KLHL1: variants seen among roughly 807,000 people sequenced by gnomAD.
KLHL1 encodes the protein kelch-like protein 1.
A neutral mutation model predicts 77.7 loss-of-function variants in KLHL1; 47 were observed. The observed-to-expected ratio is 0.60, with a 90% CI of 0.48 to 0.77. The LOEUF (loss-of-function observed/expected upper bound fraction) is 0.77, where lower values mean the gene tolerates loss of function less well. Among genes scored for constraint, KLHL1 ranks in the 30% least tolerant of loss-of-function variants. KLHL1 has a pLI of 0.00. For missense variants in KLHL1, 925 were observed against 910.8 expected, an observed-to-expected ratio of 1.02 and a Z score of -0.20; for synonymous variants, 360 against 325.2, an observed-to-expected ratio of 1.11 and a Z score of -1.15.
At chr13:69,928,945 A>C (rs1012312318) in intron 4 of KLHL1, among the ~76,000 whole-genome samples, 10 of 152,110 alleles carry the variant, frequency 6.6e-5, no homozygotes, top group Non-Finnish European at 1.3e-4. Context: ...AAAAGATATA[A>C]ATTTGAAAGT....
Position 69,833,574 on chromosome 13 carries a change from T to C in KLHL1, c.1414+5402A>G, listed in dbSNP as rs567284375. Among the ~76,000 whole-genome samples the C allele has an allele frequency of 2.0e-5, 3 of 151,800 alleles. No homozygotes were observed. In the South Asian group the frequency reaches 6.2e-4, roughly 32 times the overall value. On this transcript the variant is annotated intron_variant, in intron 6 of 10. Transcript: ENST00000377844. ...AGATTCCTTAAAAAATAAAACTAGA[T>C]CCACCACTGTATCCAGCAATCCCAA...
intron 1 of KLHL1, among the ~76,000 whole-genome samples, chr13:70,023,933 A>G (rs1885867413): frequency 6.6e-6 from 1 of 152,096 alleles, no homozygotes; most frequent in Admixed American, 6.6e-5. Context: ...GGTGATTACC[A>G]TATGACTCCA....
At chr13:69,800,218 T>G (rs2138044458) in intron 6 of KLHL1, among the ~76,000 whole-genome samples, 1 of 152,322 alleles carries the variant, frequency 6.6e-6, no homozygotes, top group East Asian at 1.9e-4. Flanking sequence ...CATACCAGTT[T>G]AATCAGACAT....
chr13:69,741,701 T>G (rs1873994629), intron 7 of KLHL1, among the ~76,000 whole-genome samples: 1 of 152,166 alleles, frequency 6.6e-6, no homozygotes, highest in Admixed American at 6.6e-5. Flanking sequence ...GCATTTACTT[T>G]AGAAAACTTA....
At chr13:69,807,270 T>C (rs533526312) in intron 6 of KLHL1, among the ~76,000 whole-genome samples, 3 of 152,138 alleles carry the variant, frequency 2.0e-5, no homozygotes, top group Non-Finnish European at 4.4e-5. Context: ...CTCTCCAGGC[T>C]CAAGATACTA....
intron 4 of KLHL1, among the ~76,000 whole-genome samples, chr13:69,892,295 AAC>A (rs1413490988): frequency 6.6e-6 from 1 of 152,184 alleles, no homozygotes; most frequent in Non-Finnish European, 1.5e-5. Context: ...ATGAGACAAT[AAC>A]ACACCTATGT....
At chr13:70,016,698 G>A (rs377290470) in intron 1 of KLHL1, among the ~76,000 whole-genome samples, 2 of 152,292 alleles carry the variant, frequency 1.3e-5, no homozygotes, top group African/African-American at 2.4e-5. Flanking sequence ...CACCATGGAT[G>A]ACCTATTGAT....
chr13:69,939,945 A>T, intron 4 of KLHL1, 95 bp downstream of exon 4: 1 of 917,364 alleles, frequency 1.1e-6, no homozygotes, highest in Non-Finnish European at 1.6e-6. Flanking sequence ...AACTCATTTT[A>T]AACTTAAAAA....
intron 7 of KLHL1, among the ~76,000 whole-genome samples, chr13:69,782,847 A>G (rs964373455): frequency 7.2e-5 from 11 of 152,240 alleles, no homozygotes; most frequent in Non-Finnish European, 2.9e-5. Flanking sequence ...TGATCTGAGA[A>G]TGAGCAGACT....
At chr13:69,995,443 G>GT (rs1885128407) in intron 1 of KLHL1, among the ~76,000 whole-genome samples, 1 of 152,030 alleles carries the variant, frequency 6.6e-6, no homozygotes, top group Non-Finnish European at 1.5e-5. Flanking sequence ...TCTGCATTGA[G>GT]TCATCATGTA....
chr13:69,921,951 G>A (rs1331516387), intron 4 of KLHL1, among the ~76,000 whole-genome samples: 1 of 139,170 alleles, frequency 7.2e-6, no homozygotes, highest in East Asian at 2.2e-4. Context: ...TTTAAAGAGA[G>A]ATGGTCTCAC....
intron 7 of KLHL1, among the ~76,000 whole-genome samples, chr13:69,778,060 G>A (rs1336445378): frequency 6.6e-6 from 1 of 151,638 alleles, no homozygotes; most frequent in Non-Finnish European, 1.5e-5. Context: ...AAATAGAGAT[G>A]GATATATCTG....
intron 1 of KLHL1, among the ~76,000 whole-genome samples, chr13:69,999,728 A>C (rs1452449947): frequency 2.0e-5 from 3 of 152,058 alleles, no homozygotes; most frequent in African/African-American, 7.2e-5. Context: ...TTCAGAAACA[A>C]AGACTTGGCT....
At chr13:69,851,651 C>T (rs1879695609) in intron 5 of KLHL1, among the ~76,000 whole-genome samples, 1 of 151,710 alleles carries the variant, frequency 6.6e-6, no homozygotes, top group Non-Finnish European at 1.5e-5. Flanking sequence ...ATTTCCCTTG[C>T]TCCTTCCTTT....
rs10691528 is a variant in KLHL1 at position 70,088,855 on chromosome 13, G to GAA, written c.497+18346_497+18347dup. Reference sequence around the variant, plus strand: ...TTTCCCTTAAAACTCATCAGAAAAAGAAAAAAAAACTTATCAGGGCTATTT... The same window carrying GAA: ...TTTCCCTTAAAACTCATCAGAAAAAGAAAAAAAAAAACTTATCAGGGCTATTT... On this transcript the variant is annotated intron_variant, in intron 1 of 10. Coordinates refer to ENST00000377844, the MANE Select transcript of KLHL1 (RefSeq NM_020866.3). 6.3e-3 allele frequency among the ~76,000 whole-genome samples: 946 copies of GAA among 150,488 alleles called. 14 individuals carry two copies. The highest frequency in any genetic ancestry group is 0.022 in the African/African-American group (886 of 41,106).
intron 4 of KLHL1, among the ~76,000 whole-genome samples, chr13:69,927,077 AG>A: frequency 6.6e-6 from 1 of 152,238 alleles, no homozygotes; most frequent in East Asian, 1.9e-4. Context: ...TCAATGAAAA[AG>A]AATTGAGAGT....
chr13:69,827,729 C>CAAA (rs58504097), intron 6 of KLHL1, among the ~76,000 whole-genome samples: 1,394 of 72,934 alleles, frequency 0.019, 45 homozygotes, highest in African/African-American at 0.057. Context: ...GACCCTGTCT[C>CAAA]AAAAAAAAAA....
rs58156922 is a variant in KLHL1, at chr13:69,980,293, T to A, written c.498-4491A>T. ...TAAGAAAAAATGTACAACAAATAATTACTCATGTGTTTTTTACTTTATGAC... is the reference window on the plus strand; with the variant it reads ...TAAGAAAAAATGTACAACAAATAATAACTCATGTGTTTTTTACTTTATGAC... On this transcript the variant is annotated intron_variant, in intron 1 of 10. Transcript: ENST00000377844. Among the ~76,000 whole-genome samples, 1,403 of 152,304 alleles carry A rather than the reference T, an allele frequency of 9.2e-3. 23 individuals are homozygous for A. Among genetic ancestry groups the A allele is most frequent in the African/African-American group, 0.032 (1,324 of 41,576 alleles).
At chr13:69,758,942 C>T (rs536128404) in intron 7 of KLHL1, among the ~76,000 whole-genome samples, 129 of 152,064 alleles carry the variant, frequency 8.5e-4, no homozygotes, top group African/African-American at 2.9e-3. Flanking sequence ...AAGTTTGAAA[C>T]GATGACACAG....
Sources: allele counts gnomAD v4.1 joint callset (sites outside exome capture counted in the v4.1 genomes callset), GRCh38; gene constraint gnomAD v4.1.1; transcripts MANE v1.5; gene names NCBI Gene and HGNC (gene_info 2026-07-23, HGNC 2026-07-21).